TTC34: variants seen among roughly 807,000 people sequenced by gnomAD.
TTC34 encodes tetratricopeptide repeat domain 34, also known as tetratricopeptide repeat protein 34.
A neutral mutation model predicts 40.7 loss-of-function variants in TTC34; 44 were observed. That is an observed-to-expected ratio of 1.08 (90% confidence interval 0.85 to 1.39). The LOEUF (loss-of-function observed/expected upper bound fraction) is 1.39, where lower values mean the gene tolerates loss of function less well. Ranked by LOEUF, TTC34 falls within the 40% of genes most tolerant of loss-of-function variation. The probability of loss-of-function intolerance (pLI) is 0.00; values close to 1 mark genes in which losing one functional copy is unlikely to be tolerated. For missense variants in TTC34, 884 were observed against 838.0 expected (o/e 1.05, Z -0.68); for synonymous variants, 422 against 398.6 (o/e 1.06, Z -0.70).
intron 6 of TTC34, among the ~76,000 whole-genome samples, chr1:2,675,611 G>T: frequency 7.0e-6 from 1 of 143,766 alleles, no homozygotes; most frequent in South Asian, 2.2e-4. Context: ...AACCCCAGGC[G>T]AGCATCGGAC....
intron 6 of TTC34, among the ~76,000 whole-genome samples, chr1:2,764,302 C>A (rs1394830941): frequency 4.9e-5 from 7 of 143,978 alleles, no homozygotes; most frequent in Non-Finnish European, 1.1e-4. Context: ...GCACACACAA[C>A]CCCAGGCGAG....
intron 3 of TTC34, 127 bp downstream of exon 3, chr1:2,789,376 G>T: frequency 1.1e-6 from 1 of 916,862 alleles, no homozygotes; most frequent in Non-Finnish European, 1.6e-6. Context: ...TGCCTCGGGT[G>T]CTTTGGGAAG....
intron 6 of TTC34, among the ~76,000 whole-genome samples, chr1:2,781,709 T>C (rs897054898): frequency 2.0e-5 from 3 of 152,208 alleles, no homozygotes; most frequent in Non-Finnish European, 4.4e-5. Flanking sequence ...TCCTAGTTTG[T>C]TGAGTATTCT....
At chr1:2,656,363 ACAGCACCCACACCCACAGG>A (rs1639345221) in intron 6 of TTC34, among the ~76,000 whole-genome samples, 1 of 75,476 alleles carries the variant, frequency 1.3e-5, no homozygotes, top group Non-Finnish European at 2.5e-5. Context: ...ACAGCCTGGA[ACAGCACCCACACCCACAGG>A]TGAGCATCTG....
chr1:2,681,945 C>G (rs1322617059), intron 6 of TTC34, among the ~76,000 whole-genome samples: 3 of 108,818 alleles, frequency 2.8e-5, no homozygotes, highest in African/African-American at 7.1e-5. Flanking sequence ...AGCACCAACA[C>G]CCCAAGGCGA....
intron 6 of TTC34, among the ~76,000 whole-genome samples, chr1:2,751,052 GGTGAGC>G (rs1641302935): frequency 9.4e-6 from 1 of 106,512 alleles, no homozygotes; most frequent in Non-Finnish European, 1.9e-5. Flanking sequence ...CACACCCCCA[GGTGAGC>G]ATCTGACAGA....
At chr1:2,688,418 G>C (rs1418510624) in intron 6 of TTC34, among the ~76,000 whole-genome samples, 1 of 150,822 alleles carries the variant, frequency 6.6e-6, no homozygotes, top group African/African-American at 2.5e-5. Context: ...ACCCCCAGGT[G>C]AGCATCCGAC....
intron 6 of TTC34, among the ~76,000 whole-genome samples, chr1:2,691,375 AACTGCAC>A (rs1640610386): frequency 4.1e-5 from 1 of 24,120 alleles, no homozygotes; most frequent in Non-Finnish European, 1.0e-4. Flanking sequence ...TGGAACAGCA[AACTGCAC>A]ACCCAGGTGA....
At chr1:2,641,865 C>A (rs1199280066) in exon 9 of TTC34, 1 of 1,500,436 alleles carries the variant, frequency 6.7e-7, no homozygotes, top group South Asian at 1.3e-5. Context: ...TGCCCTGCGT[C>A]CAGGAGGGTG....
chr1:2,642,506 C>T (rs1021908358), intron 8 of TTC34, among the ~76,000 whole-genome samples: 3 of 150,978 alleles, frequency 2.0e-5, no homozygotes, highest in African/African-American at 5.0e-5. Flanking sequence ...GCCTGCCTGC[C>T]CCCCCCACTC....
In TTC34 at chr1:2,645,520, C is replaced by G. The variant is rs28547181; in HGVS notation, c.2270G>C (p.Gly757Ala). 1 of 1,245,344 alleles carries G rather than the reference C, an allele frequency of 8.0e-7. No homozygotes were observed. Among genetic ancestry groups the G allele is most frequent in the African/African-American group, 1.6e-5 (1 of 61,670 alleles). 77.1% of individuals were successfully genotyped at this position (1,245,344 alleles called of 1,614,324 possible). Residue 757 changes from glycine (G) to alanine (A), a missense_variant, in exon 7 of 9, where the codon GGG becomes GCG. By Grantham distance (60) the Gly-to-Ala change is moderately conservative. Coordinates refer to ENST00000401095, the Ensembl canonical transcript of TTC34. The surrounding 1 kb of genome is among the most constrained non-coding windows in gnomAD (Gnocchi z 4.7). ...AGAGCGGAGCTCAGGGACCACAGTCCCGGGGCCGAGCTTCAGAGCAGAGAC... is the reference window on the plus strand; with the variant it reads ...AGAGCGGAGCTCAGGGACCACAGTCGCGGGGCCGAGCTTCAGAGCAGAGAC...
intron 6 of TTC34, among the ~76,000 whole-genome samples, chr1:2,685,969 A>G (rs1640320930): frequency 8.3e-6 from 1 of 120,574 alleles, no homozygotes; most frequent in Admixed American, 8.4e-5. Context: ...CCCACAGGCG[A>G]GCATCTGACT....
At chr1:2,649,806 A>G (rs1639090169) in intron 6 of TTC34, among the ~76,000 whole-genome samples, 1 of 151,852 alleles carries the variant, frequency 6.6e-6, no homozygotes, top group Non-Finnish European at 1.5e-5. Flanking sequence ...GAGTCATCGC[A>G]CCTGGCTGAT....
chr1:2,683,500 A>G (rs1339887747), intron 6 of TTC34, among the ~76,000 whole-genome samples: 16 of 24,546 alleles, frequency 6.5e-4, no homozygotes, highest in Middle Eastern at 0.045. Context: ...ACAGCCTGGA[A>G]CGGCACCCAC....
chr1:2,749,477 C>A (rs1290728453), intron 6 of TTC34, among the ~76,000 whole-genome samples: 2 of 112,868 alleles, frequency 1.8e-5, no homozygotes, highest in African/African-American at 7.8e-5. Context: ...TGGAACAGCA[C>A]CCACATCCCC....
intron 6 of TTC34, among the ~76,000 whole-genome samples, chr1:2,751,949 A>G (rs1458458269): frequency 8.9e-6 from 1 of 112,090 alleles, no homozygotes; most frequent in Non-Finnish European, 1.7e-5. Flanking sequence ...AACATCGGAG[A>G]GTCTGGAGCA....
At chr1:2,775,559 G>C (rs1285798510) in intron 6 of TTC34, 3 of 148,304 alleles carry the variant, frequency 2.0e-5, no homozygotes, top group African/African-American at 5.3e-5. Context: ...CACACCCCAA[G>C]GTGGGCATCC....
rs192840628 is a variant in TTC34 at position 2,787,241 on chromosome 1, C to T, written c.1854+240G>A. Among the ~76,000 whole-genome samples the T allele has an allele frequency of 3.4e-3, 522 of 152,298 alleles. 6 individuals are homozygous for T. The highest frequency in any genetic ancestry group is 0.012 in the African/African-American group (501 of 41,564). On this transcript the variant is annotated intron_variant, in intron 4 of 8. Transcript: ENST00000401095. Reference sequence around the variant, plus strand: ...GCAGCTACGCATGCAGGGAAACTGCCGGCCCCGGGGACCTGCCCCAGCCGA... The same window carrying T: ...GCAGCTACGCATGCAGGGAAACTGCTGGCCCCGGGGACCTGCCCCAGCCGA...
chr1:2,644,931 C>T (rs542920877), intron 7 of TTC34, among the ~76,000 whole-genome samples: 1 of 152,296 alleles, frequency 6.6e-6, no homozygotes, highest in Admixed American at 6.5e-5. Context: ...CATGGGGCTT[C>T]TGACAGTTCC....
Sources: allele counts gnomAD v4.1 joint callset (sites outside exome capture counted in the v4.1 genomes callset), GRCh38; gene constraint gnomAD v4.1.1; non-coding constraint Gnocchi (gnomAD v3.1); transcripts MANE v1.5; gene names NCBI Gene and HGNC (gene_info 2026-07-23, HGNC 2026-07-21).